CARMIL1: variants seen among roughly 807,000 people sequenced by gnomAD.
The protein encoded by CARMIL1 is capping protein regulator and myosin 1 linker 1.
Under a neutral mutation model 177.1 loss-of-function variants are expected in CARMIL1, and 90 were observed. The ratio of observed to expected loss-of-function variants is 0.51; its 90% CI spans 0.43 to 0.61. CARMIL1 has a LOEUF of 0.61. Ranked by LOEUF, CARMIL1 falls within the 20% of genes least tolerant of loss-of-function variation. The pLI, the probability that CARMIL1 is intolerant of heterozygous loss-of-function variation, is 0.00. For synonymous variants in CARMIL1, 577 were observed against 606.2 expected (o/e 0.95, Z 0.71); for missense variants, 1,380 against 1,667.0 (o/e 0.83, Z 3.00).
chr6:25,541,261 T>A (rs551053142), intron 26 of CARMIL1, among the ~76,000 whole-genome samples: 2 of 152,342 alleles, frequency 1.3e-5, no homozygotes, highest in South Asian at 4.1e-4. Context: ...AATATCTTAG[T>A]GAATTTCTAG....
chr6:25,583,378 A>ACT (rs140997812), intron 31 of CARMIL1, among the ~76,000 whole-genome samples: 2,945 of 152,258 alleles, frequency 0.019, 77 homozygotes, highest in African/African-American at 0.061. Context: ...CCTGATGCTT[A>ACT]CTGTCACAGC....
At chr6:25,347,961 G>A (rs2328853) in intron 2 of CARMIL1, among the ~76,000 whole-genome samples, 32,151 of 152,094 alleles carry the variant, frequency 0.21, 3,667 homozygotes, top group South Asian at 0.35. Context: ...TCATGAGAGT[G>A]TACAGTAAGT....
At chr6:25,528,034 A>G (rs1392482138) in intron 23 of CARMIL1, among the ~76,000 whole-genome samples, 8 of 152,192 alleles carry the variant, frequency 5.3e-5, no homozygotes, top group African/African-American at 1.9e-4. Context: ...GGTATCCATC[A>G]TTCTTAATAG....
intron 2 of CARMIL1, among the ~76,000 whole-genome samples, chr6:25,292,105 A>G (rs535562503): frequency 5.4e-4 from 83 of 152,314 alleles, no homozygotes; most frequent in Admixed American, 3.0e-3. Context: ...GTAGACTGCA[A>G]TGTCTTCTGA....
In CARMIL1 at chr6:25,524,964, A is replaced by T. The variant is rs550619916; in HGVS notation, c.1969-3831A>T. ...AAAGAAAAAAAGAAAAGAAAAGAAC[A>T]GACTATCCCAGCACTGTGGGATAAT... On this transcript the variant is annotated intron_variant, in intron 23 of 36. Transcript: ENST00000329474. Among the ~76,000 whole-genome samples, 4 of 152,290 alleles carry T rather than the reference A, an allele frequency of 2.6e-5. No individual in the cohort carries two copies. In the South Asian group the frequency reaches 8.3e-4, roughly 32 times the overall value.
intron 5 of CARMIL1, among the ~76,000 whole-genome samples, chr6:25,443,768 GGGTGGT>G (rs1797967808): frequency 6.6e-6 from 1 of 152,104 alleles, no homozygotes; most frequent in African/African-American, 2.4e-5. Flanking sequence ...GTGACTATCA[GGGTGGT>G]GGTTGCTAAG....
chr6:25,519,531 G>T (rs866940047), intron 22 of CARMIL1, among the ~76,000 whole-genome samples: 8 of 152,190 alleles, frequency 5.3e-5, no homozygotes, highest in African/African-American at 1.9e-4. Flanking sequence ...TAATAGGCCT[G>T]CCAGTAGCAA....
intron 32 of CARMIL1, among the ~76,000 whole-genome samples, chr6:25,599,144 G>A (rs933911606): frequency 2.0e-5 from 3 of 152,186 alleles, no homozygotes; most frequent in Admixed American, 6.5e-5. Flanking sequence ...GAGAGGATCC[G>A]ATGAATTTTT....
chr6:25,619,043 G>A (rs980168708), intron 36 of CARMIL1, among the ~76,000 whole-genome samples: 2 of 152,172 alleles, frequency 1.3e-5, no homozygotes, highest in Admixed American at 1.3e-4. Flanking sequence ...TCAAAGCTCT[G>A]TCTGCCCTGT....
chr6:25,528,986 T>C, intron 24 of CARMIL1, 93 bp downstream of exon 24: 1 of 920,538 alleles, frequency 1.1e-6, no homozygotes, highest in Non-Finnish European at 1.7e-6. Flanking sequence ...TTCCAATGGG[T>C]CAATAAGAAC....
In CARMIL1 at chr6:25,420,123, T is replaced by A; in HGVS notation, c.148T>A (p.Ser50Thr). 1 of 1,613,436 alleles carries A rather than the reference T, an allele frequency of 6.2e-7. No homozygotes were observed. Among genetic ancestry groups the A allele is most frequent in the African/African-American group, 1.3e-5 (1 of 75,028 alleles). ...KVENKVLVLT[S>T]CRAFLVTARI... is the part of the protein sequence containing the mutation. The stretch of plus-strand genomic sequence containing the variant: ...TGCTTCTGTCTTACAGGTCCTTACA[T>A]CATGCCGAGCCTTCCTTGTAACAGC... Residue 50 changes from serine to threonine, a missense_variant, in exon 3 of 37, where the codon TCA (serine) becomes ACA (threonine). By Grantham distance (58) the Ser-to-Thr change is moderately conservative (BLOSUM62 1). Coordinates refer to ENST00000329474, the MANE Select transcript of CARMIL1 (RefSeq NM_017640.6).
intron 17 of CARMIL1, among the ~76,000 whole-genome samples, chr6:25,504,692 A>G (rs1344774690): frequency 1.3e-5 from 2 of 152,208 alleles, no homozygotes; most frequent in African/African-American, 4.8e-5. Flanking sequence ...TACATTAATT[A>G]TATCATCACC....
At chr6:25,413,960 A>T (rs1795147756) in intron 2 of CARMIL1, among the ~76,000 whole-genome samples, 1 of 152,198 alleles carries the variant, frequency 6.6e-6, no homozygotes, top group Non-Finnish European at 1.5e-5. Context: ...TAAAAAATTC[A>T]GTAGGTGAAG....
rs771817792 is a variant in CARMIL1 at position 25,610,085 on chromosome 6, G to A, written c.3883G>A (p.Ala1295Thr). 3 of 1,613,866 alleles carry A rather than the reference G, an allele frequency of 1.9e-6. No individual in the cohort carries two copies. The highest frequency in any genetic ancestry group is 1.3e-5 in the African/African-American group (1 of 75,002). The change falls in exon 36 of 37, where the codon GCC (alanine) becomes ACC (threonine). Residue 1295 changes from alanine (A) to threonine (T), a missense_variant. Coordinates refer to ENST00000329474, the MANE Select transcript of CARMIL1 (RefSeq NM_017640.6). ...AGACTCTCCATCTAGCCCGAAAGTT[G>A]CCCTTCTTCCACCTGTCCTGAAAAA... ...IPDSPSSPKV[A>T]LLPPVLKKVP...
At chr6:25,537,527 A>T (rs1808423279) in intron 24 of CARMIL1, among the ~76,000 whole-genome samples, 1 of 152,144 alleles carries the variant, frequency 6.6e-6, no homozygotes, top group African/African-American at 2.4e-5. Flanking sequence ...TATCTAGCAA[A>T]ATGTCACTGA....
chr6:25,313,959 A>G (rs1784056305), intron 2 of CARMIL1, among the ~76,000 whole-genome samples: 1 of 151,484 alleles, frequency 6.6e-6, no homozygotes, highest in Non-Finnish European at 1.5e-5. Flanking sequence ...GTTTAAAATT[A>G]GATGTTCAGT....
chr6:25,404,774 A>AGG (rs1794215285), intron 2 of CARMIL1, among the ~76,000 whole-genome samples: 3 of 148,690 alleles, frequency 2.0e-5, no homozygotes, highest in Non-Finnish European at 1.5e-5. Context: ...AAAAAAAAAT[A>AGG]GAGGTGCAGT....
chr6:25,581,041 C>A, intron 30 of CARMIL1, 51 bp downstream of exon 30: 1 of 1,540,256 alleles, frequency 6.5e-7, no homozygotes, highest in Admixed American at 1.9e-5. Context: ...GAAGCACCCT[C>A]AGCAAGACCT....
chr6:25,527,749 A>AT (rs1313948492), intron 23 of CARMIL1: 1 of 416,038 alleles, frequency 2.4e-6, no homozygotes, highest in African/African-American at 2.1e-5. Flanking sequence ...GTTCTGCTTT[A>AT]TATTTTCAAG....
Sources: allele counts gnomAD v4.1 joint callset (sites outside exome capture counted in the v4.1 genomes callset), GRCh38; gene constraint gnomAD v4.1.1; transcripts MANE v1.5; gene names NCBI Gene and HGNC (gene_info 2026-07-23, HGNC 2026-07-21).